ZNF560: variants seen among roughly 807,000 people sequenced by gnomAD.
ZNF560 encodes zinc finger protein 560.
A neutral mutation model predicts 81.8 loss-of-function variants in ZNF560; 54 were observed. That is an observed-to-expected ratio of 0.66 (90% confidence interval 0.53 to 0.83). ZNF560 has a LOEUF of 0.83. Ranked by LOEUF, ZNF560 falls within the 40% of genes least tolerant of loss-of-function variation. The probability of loss-of-function intolerance (pLI) is 0.00; values close to 1 mark genes in which losing one functional copy is unlikely to be tolerated. For synonymous variants in ZNF560, 321 were observed against 317.9 expected, an observed-to-expected ratio of 1.01 and a Z score of -0.10; for missense variants, 940 against 932.4, an observed-to-expected ratio of 1.01 and a Z score of -0.11.
At chr19:9,469,566 C>G (rs992792467) in intron 8 of ZNF560, 64 bp downstream of exon 8, 3 of 1,468,662 alleles carry the variant, frequency 2.0e-6, no homozygotes, top group Non-Finnish European at 1.9e-6. Flanking sequence ...TATAAAACTT[C>G]ATTGTGCTTC....
At chr19:9,466,126 CAT>C (rs2073011038), downstream of ZNF560, among the ~76,000 whole-genome samples, 1 of 152,180 alleles carries the variant, frequency 6.6e-6, no homozygotes, top group Non-Finnish European at 1.5e-5. Flanking sequence ...CACATGATCA[CAT>C]GAGGTCAGGA....
chr19:9,469,647 A>G lies in ZNF560; in HGVS notation c.512T>C (p.Leu171Pro). 6.2e-7 allele frequency: 1 copy of G among 1,614,182 alleles called. No homozygotes were observed. Among genetic ancestry groups the G allele is most frequent in the East Asian group, 2.2e-5 (1 of 44,874 alleles). ...WLEEEEELST[L>P]PRVLQEWKMC... ...ACACTCACCTTGGAGAACTCTTGGC[A>G]GTGTGCTCAACTCTTCCTCTTCCTC... The change falls in exon 8 of 10, where the codon CTG becomes CCG. Residue 171 changes from leucine (L) to proline (P), a missense_variant. Leu to Pro is a moderately conservative substitution (Grantham distance 98, BLOSUM62 -3). Transcript: ENST00000301480.
chr19:9,450,616 C>T, the ZNF560 span, among the ~76,000 whole-genome samples: 15 of 152,084 alleles, frequency 9.9e-5, no homozygotes, highest in Admixed American at 3.3e-4. Context: ...TGCAGTGGCA[C>T]GATCTCGGCT....
At position 9,467,631 on chromosome 19, in the gene ZNF560, T is replaced by A. The variant is rs1339035249; in HGVS notation, c.1316A>T (p.Lys439Ile). Reference protein sequence around the residue: ...EKTFKCDHCGKAFISYPSLFG... With the variant: ...EKTFKCDHCGIAFISYPSLFG... Reference sequence around the variant, plus strand: ...AAGAGATGGGTAAGAAATAAAGGCTTTCCCACAGTGGTCACATTTAAAGGT... The same window carrying A: ...AAGAGATGGGTAAGAAATAAAGGCTATCCCACAGTGGTCACATTTAAAGGT... Residue 439 changes from lysine (K) to isoleucine (I), a missense_variant, in exon 10 of 10, where the codon AAA becomes ATA. Lys to Ile is a moderately radical substitution (Grantham distance 102, BLOSUM62 -3). Transcript: ENST00000301480. The A allele has an allele frequency of 6.8e-6, 11 of 1,614,156 alleles. No individual in the cohort carries two copies. Among genetic ancestry groups the A allele is most frequent in the Non-Finnish European group, 9.3e-6 (11 of 1,180,012 alleles).
upstream of ZNF560, among the ~76,000 whole-genome samples, chr19:9,502,426 G>A (rs2073640624): frequency 6.6e-6 from 1 of 152,026 alleles, no homozygotes; most frequent in Non-Finnish European, 1.5e-5. Context: ...TGGCCAGGAT[G>A]GTCTTGATCT....
intron 2 of ZNF560, among the ~76,000 whole-genome samples, chr19:9,489,214 G>A (rs56398196): frequency 0.024 from 3,697 of 152,356 alleles, 157 homozygotes; most frequent in African/African-American, 0.085. Context: ...ACAGTGGCTC[G>A]ACAGAGGTGC....
chr19:9,465,315 G>A (rs1341767252), downstream of ZNF560, among the ~76,000 whole-genome samples: 1 of 152,080 alleles, frequency 6.6e-6, no homozygotes, highest in Non-Finnish European at 1.5e-5. Flanking sequence ...ATTTTTAGTA[G>A]AGACAGGGTT....
At chr19:9,470,332 G>GT in intron 7 of ZNF560, 60 bp downstream of exon 7, 1 of 1,545,324 alleles carries the variant, frequency 6.5e-7, no homozygotes, top group Non-Finnish European at 8.7e-7. Context: ...CTAGAATACA[G>GT]TAAGTACATA....
At chr19:9,473,141 C>T (rs1599655747) in intron 5 of ZNF560, 38 bp downstream of exon 5, 2 of 1,543,236 alleles carry the variant, frequency 1.3e-6, no homozygotes, top group Admixed American at 1.7e-5. Flanking sequence ...ACATACTGAA[C>T]TTCTCACTGA....
In ZNF560 at chr19:9,469,185, A is replaced by T. The variant is rs764101472; in HGVS notation, c.532T>A (p.Trp178Arg). 2.5e-6 allele frequency: 4 copies of T among 1,584,294 alleles called. No homozygotes were observed. Among genetic ancestry groups the T allele is most frequent in the Non-Finnish European group, 3.4e-6 (4 of 1,168,678 alleles). The change falls in exon 9 of 10, where the codon TGG (tryptophan) becomes AGG (arginine). Residue 178 changes from tryptophan to arginine, a missense_variant and splice_region_variant. Trp to Arg is a moderately radical substitution (Grantham distance 101). Coordinates refer to ENST00000301480, the MANE Select transcript of ZNF560 (RefSeq NM_152476.3). Reference sequence around the variant, plus strand: ...CCTTTGGTTTTCAGGCACATTTTCCATTCTGAAATAAAAGAGAAAAATATA... The same window carrying T: ...CCTTTGGTTTTCAGGCACATTTTCCTTTCTGAAATAAAAGAGAAAAATATA... ...LSTLPRVLQE[W>R]KMCLKTKGPA...
chr19:9,478,543 C>T (rs994760829), intron 2 of ZNF560, among the ~76,000 whole-genome samples: 9 of 151,832 alleles, frequency 5.9e-5, no homozygotes, highest in South Asian at 2.1e-4. Context: ...TATATCCTTA[C>T]GATGAAGGTT....
chr19:9,472,496 A>AGAGCAAAAAT (rs2073138241), intron 5 of ZNF560, among the ~76,000 whole-genome samples: 1 of 152,180 alleles, frequency 6.6e-6, no homozygotes, highest in Non-Finnish European at 1.5e-5. Context: ...TTCTCATAAA[A>AGAGCAAAAAT]GAGCAAAATC....
chr19:9,468,952 A>G (rs2073079522), intron 9 of ZNF560, among the ~76,000 whole-genome samples, 153 bp downstream of exon 9: 1 of 151,418 alleles, frequency 6.6e-6, no homozygotes, highest in African/African-American at 2.4e-5. Flanking sequence ...CTGGTCTCGA[A>G]CTCCTGACCT....
the ZNF560 span, among the ~76,000 whole-genome samples, chr19:9,455,649 A>G: frequency 6.6e-6 from 1 of 152,170 alleles, no homozygotes; most frequent in Non-Finnish European, 1.5e-5. Flanking sequence ...GGAGTCTCTT[A>G]AAAAGGTGAT....
the ZNF560 span, among the ~76,000 whole-genome samples, chr19:9,452,513 A>G: frequency 6.6e-6 from 1 of 152,240 alleles, no homozygotes; most frequent in Non-Finnish European, 1.5e-5. Flanking sequence ...ATGCCAATCA[A>G]CAGTGGAATG....
At chr19:9,489,897 T>C (rs1568465010) in intron 2 of ZNF560, among the ~76,000 whole-genome samples, 1 of 152,204 alleles carries the variant, frequency 6.6e-6, no homozygotes, top group Non-Finnish European at 1.5e-5. Flanking sequence ...GCCAGTCTCT[T>C]GTATTTCTTT....
At chr19:9,501,517 C>T (rs2073633311), upstream of ZNF560, among the ~76,000 whole-genome samples, 1 of 151,778 alleles carries the variant, frequency 6.6e-6, no homozygotes, top group Admixed American at 6.6e-5. Context: ...CATCACCACA[C>T]CTGGCTAATT....
At chr19:9,454,730 G>A in the ZNF560 span, among the ~76,000 whole-genome samples, 3 of 152,174 alleles carry the variant, frequency 2.0e-5, no homozygotes, top group African/African-American at 7.2e-5. Context: ...GCAGCGCACT[G>A]AAAAAGGCGT....
At position 9,466,388 on chromosome 19, in the gene ZNF560, C is replaced by T. The variant is rs937996255; in HGVS notation, c.*186G>A. ...AGAAGAACTAGTGTTTTCCTACATC[C>T]CTTACATTTACAGGGTTTCTCTACA... On this transcript the variant is annotated 3_prime_UTR_variant, in exon 10 of 10. Transcript: ENST00000301480. 5 of 539,296 alleles carry T rather than the reference C, an allele frequency of 9.3e-6. No individual in the cohort carries two copies. The African/African-American group carries it at 9.6e-5, about 10-fold the overall frequency. The allele number at this position is 539,296 out of a possible 1,614,324, so 33.4% of individuals were successfully genotyped here.
Sources: allele counts gnomAD v4.1 joint callset (sites outside exome capture counted in the v4.1 genomes callset), GRCh38; gene constraint gnomAD v4.1.1; transcripts MANE v1.5; gene names NCBI Gene and HGNC (gene_info 2026-07-23, HGNC 2026-07-21).